PGM3: variants seen among roughly 807,000 people sequenced by gnomAD.
PGM3 encodes the protein phosphoacetylglucosamine mutase.
Under a neutral mutation model 66.2 loss-of-function variants are expected in PGM3, and 40 were observed. The ratio of observed to expected loss-of-function variants is 0.60; its 90% CI spans 0.47 to 0.79. The LOEUF (loss-of-function observed/expected upper bound fraction) is 0.79. Among genes scored for constraint, PGM3 ranks in the 30% least tolerant of loss-of-function variants. PGM3 has a pLI of 0.00. For synonymous variants in PGM3, 191 were observed against 224.2 expected (o/e 0.85, Z 1.32); for missense variants, 537 against 643.4 (o/e 0.83, Z 1.79).
Position 83,182,921 on chromosome 6 carries a change from C to T in PGM3, c.515G>A (p.Gly172Asp), listed in dbSNP as rs1031049355. The T allele has an allele frequency of 6.8e-6, 11 of 1,613,846 alleles. No homozygotes were observed. In the African/African-American group the frequency reaches 1.3e-4, roughly 20 times the overall value. ...TATAGTTGCCTTTCCATATCGGCCACCCGTGTTTCGACAATACACCATGTA... is the reference window on the plus strand; with the variant it reads ...TATAGTTGCCTTTCCATATCGGCCATCCGTGTTTCGACAATACACCATGTA... The part of the protein sequence containing the change: ...LHYMVYCRNT[G>D]GRYGKATIEG... The change falls in exon 5 of 13, where the codon GGT (glycine) becomes GAT (aspartate). Residue 172 changes from glycine to aspartate, a missense_variant. Transcript: ENST00000513973.
Position 83,188,595 on chromosome 6 carries a change from C to CAA in PGM3, c.389+18_389+19insTT. On this transcript the variant is annotated intron_variant, in intron 3 of 12. Coordinates refer to ENST00000513973, the MANE Select transcript of PGM3 (RefSeq NM_015599.3). The stretch of plus-strand genomic sequence containing the variant: ...CGTTCCCAAAGGTTTTTTTTTTTAC[C>CAA]AGTAACTCTTATCATCACCTGGTAT... 6.4e-7 allele frequency: 1 copy of CAA among 1,563,210 alleles called. No homozygotes were observed. The highest frequency in any genetic ancestry group is 8.7e-7 in the Non-Finnish European group (1 of 1,143,720).
chr6:83,155,761 A>G, the PGM3 span, among the ~76,000 whole-genome samples: 1 of 152,204 alleles, frequency 6.6e-6, no homozygotes, highest in Non-Finnish European at 1.5e-5. Flanking sequence ...AATTCCTACC[A>G]TTTTGGTCCT....
chr6:83,151,959 G>A, the PGM3 span: 13 of 1,613,766 alleles, frequency 8.1e-6, no homozygotes, highest in African/African-American at 1.3e-5. Flanking sequence ...TGGCTGCGAC[G>A]AAATCTTGAA....
the PGM3 span, among the ~76,000 whole-genome samples, chr6:83,150,390 C>CTACAATATTTTACTG: frequency 1.4e-4 from 22 of 152,102 alleles, no homozygotes; most frequent in African/African-American, 5.3e-4. Flanking sequence ...AGCTGTTCCC[C>CTACAATATTTTACTG]TTTCCTTACA....
chr6:83,168,873 C>T lies in PGM3; in HGVS notation c.*361G>A. The T allele has an allele frequency of 9.5e-6, 10 of 1,049,130 alleles. No individual in the cohort carries two copies. Among genetic ancestry groups the T allele is most frequent in the Non-Finnish European group, 1.0e-5 (9 of 867,728 alleles). The allele number at this position is 1,049,130 out of a possible 1,614,324, so 65.0% of individuals were successfully genotyped here. A position where few individuals can be genotyped will look rare whatever the true frequency, so the allele number is the denominator to read the frequency against. ...GGGAATGCTGCAAAACATCATCTTG[C>T]TCATGTGATGGTGATGGCAAAGATA... On this transcript the variant is annotated 3_prime_UTR_variant, in exon 13 of 13. Transcript: ENST00000513973.
chr6:83,171,769 G>A (rs1171882371), intron 11 of PGM3, among the ~76,000 whole-genome samples, 168 bp downstream of exon 11: 1 of 152,242 alleles, frequency 6.6e-6, no homozygotes, highest in African/African-American at 2.4e-5. Context: ...TTAAAGGCAT[G>A]AGCCACGAGC....
intron 4 of PGM3, among the ~76,000 whole-genome samples, chr6:83,185,686 G>C (rs1489650917): frequency 1.3e-5 from 2 of 152,082 alleles, no homozygotes; most frequent in Non-Finnish European, 2.9e-5. Flanking sequence ...TTGAACCAGG[G>C]AGTCAGAAGT....
chr6:83,175,221 A>T (rs907703371), intron 9 of PGM3, among the ~76,000 whole-genome samples: 1 of 152,192 alleles, frequency 6.6e-6, no homozygotes, highest in African/African-American at 2.4e-5. Context: ...ACTGTAAGAG[A>T]CCTTATGGCC....
downstream of PGM3, chr6:83,160,027 A>G (rs1783860101): frequency 3.4e-6 from 5 of 1,485,922 alleles, no homozygotes; most frequent in Non-Finnish European, 4.6e-6. Flanking sequence ...ACTGACATCT[A>G]TGACTAATTA....
chr6:83,158,351 A>G (rs916050338), downstream of PGM3, among the ~76,000 whole-genome samples: 7 of 152,122 alleles, frequency 4.6e-5, no homozygotes, highest in Non-Finnish European at 1.0e-4. Context: ...CTAAAAACAA[A>G]AGCTCACCTT....
chr6:83,174,463 T>A lies in PGM3; in HGVS notation c.1153A>T (p.Met385Leu), dbSNP rs1198729263. The change falls in exon 10 of 13, where the codon ATG becomes TTG. Residue 385 changes from methionine (M) to leucine (L), a missense_variant. Transcript: ENST00000513973. The part of the protein sequence containing the change: ...GTALFSTAVE[M>L]KIKQSAEQLE... ...TGTTCTGCTGATTGTTTTATCTTCATTTCAACAGCTGTACTAAACAGTGCC... is the reference window on the plus strand; with the variant it reads ...TGTTCTGCTGATTGTTTTATCTTCAATTCAACAGCTGTACTAAACAGTGCC... 6.3e-7 allele frequency: 1 copy of A among 1,598,404 alleles called. No homozygotes were observed. Among genetic ancestry groups the A allele is most frequent in the Non-Finnish European group, 8.6e-7 (1 of 1,168,972 alleles).
upstream of PGM3, chr6:83,193,354 G>A (rs1160623622): frequency 6.9e-6 from 1 of 144,030 alleles, no homozygotes; most frequent in African/African-American, 2.5e-5. Context: ...CCCCCGCCTC[G>A]CCGCAGGTCG....
chr6:83,152,280 A>T, the PGM3 span: 1 of 1,528,224 alleles, frequency 6.5e-7, no homozygotes, highest in Non-Finnish European at 8.9e-7. Context: ...ATTTTCTCTT[A>T]TTTATAGATA....
Position 83,165,576 on chromosome 6 carries a change from A to C in PGM3, c.*3658T>G, listed in dbSNP as rs1785280779. On this transcript the variant is annotated 3_prime_UTR_variant, in exon 13 of 13. Transcript: ENST00000513973. The stretch of plus-strand genomic sequence containing the variant: ...AAGTTTGTTTACTCCTGTAGCATAA[A>C]AATCCATGCTTCCAAATTTGACGAA... 5.7e-6 allele frequency: 1 copy of C among 176,352 alleles called. No homozygotes were observed. The highest frequency in any genetic ancestry group is 1.2e-5 in the Non-Finnish European group (1 of 81,496). The allele number at this position is 176,352 out of a possible 1,614,324, so 10.9% of individuals were successfully genotyped here.
At chr6:83,158,723 C>T, downstream of PGM3, 1 of 792,032 alleles carries the variant, frequency 1.3e-6, no homozygotes, top group Non-Finnish European at 2.0e-6. Flanking sequence ...TTTCTGAATA[C>T]TTATTTATTA....
intron 1 of PGM3, among the ~76,000 whole-genome samples, chr6:83,191,592 T>G (rs1239333533): frequency 6.6e-6 from 1 of 152,192 alleles, no homozygotes; most frequent in East Asian, 1.9e-4. Flanking sequence ...ACCCAGATCT[T>G]TTTCCATTTG....
At chr6:83,164,673 A>C, downstream of PGM3, 1 of 1,582,594 alleles carries the variant, frequency 6.3e-7, no homozygotes, top group Non-Finnish European at 8.6e-7. Flanking sequence ...AAGGAGGAGG[A>C]CTTTAAGACA....
chr6:83,182,771 A>C, intron 5 of PGM3, 74 bp downstream of exon 5: 1 of 1,364,852 alleles, frequency 7.3e-7, no homozygotes, highest in Non-Finnish European at 1.0e-6. Context: ...CATGACAAAC[A>C]AGATAATTTG....
intron 6 of PGM3, among the ~76,000 whole-genome samples, chr6:83,180,990 T>C (rs1447350989): frequency 6.6e-6 from 1 of 152,188 alleles, no homozygotes; most frequent in Non-Finnish European, 1.5e-5. Flanking sequence ...TTCCAATATA[T>C]AAGAGAAGTC....
Sources: allele counts gnomAD v4.1 joint callset (sites outside exome capture counted in the v4.1 genomes callset), GRCh38; gene constraint gnomAD v4.1.1; transcripts MANE v1.5; gene names NCBI Gene and HGNC (gene_info 2026-07-23, HGNC 2026-07-21).